KAZN: variants seen among roughly 807,000 people sequenced by gnomAD.
KAZN encodes kazrin, periplakin interacting protein, also known as kazrin.
A neutral mutation model predicts 87.4 loss-of-function variants in KAZN; 40 were observed. The observed-to-expected ratio is 0.46, with a 90% CI of 0.36 to 0.60. KAZN has a LOEUF of 0.60. KAZN is among the 20% of genes least tolerant of loss of function. The pLI, the probability that KAZN is intolerant of heterozygous loss-of-function variation, is 0.00. For missense variants in KAZN, 898 were observed against 1,073.9 expected, an observed-to-expected ratio of 0.84 and a Z score of 2.29; for synonymous variants, 466 against 458.3, an observed-to-expected ratio of 1.02 and a Z score of -0.22.
chr1:14,469,117 A>G (rs1668313522), intron 2 of KAZN, among the ~76,000 whole-genome samples: 1 of 152,176 alleles, frequency 6.6e-6, no homozygotes, highest in Admixed American at 6.6e-5. Context: ...TTAAGGCAAC[A>G]GTTTCCATAA....
chr1:13,906,086 A>C (rs1639427097), intron 1 of KAZN, among the ~76,000 whole-genome samples: 2 of 152,148 alleles, frequency 1.3e-5, no homozygotes, highest in Admixed American at 6.6e-5. Flanking sequence ...TAATCTCCCC[A>C]TTACTAGATT....
chr1:14,420,690 C>T (rs1301827470), intron 2 of KAZN, among the ~76,000 whole-genome samples: 1 of 152,210 alleles, frequency 6.6e-6, no homozygotes, highest in Non-Finnish European at 1.5e-5. Context: ...GAGTGCAGCG[C>T]CTGCAGGCCG....
At chr1:13,932,822 G>T (rs6678053) in intron 1 of KAZN, among the ~76,000 whole-genome samples, 4 of 152,168 alleles carry the variant, frequency 2.6e-5, no homozygotes, top group Non-Finnish European at 4.4e-5. Flanking sequence ...TGTCACGCAT[G>T]TATCTTTTTC....
At chr1:13,893,057 C>G (rs959378778) in exon 1 of KAZN, 8 of 151,980 alleles carry the variant, frequency 5.3e-5, no homozygotes, top group African/African-American at 1.4e-4. Context: ...TGGCAGCAGC[C>G]GGACGCCTGG....
chr1:14,375,908 G>A (rs1010447989), intron 2 of KAZN, among the ~76,000 whole-genome samples: 1 of 151,200 alleles, frequency 6.6e-6, no homozygotes, highest in Non-Finnish European at 1.5e-5. Context: ...AAAAAAAAAA[G>A]AAATTACATG....
intron 2 of KAZN, among the ~76,000 whole-genome samples, chr1:14,237,045 T>C (rs2100562656): frequency 6.6e-6 from 1 of 152,344 alleles, no homozygotes; most frequent in South Asian, 2.1e-4. Flanking sequence ...GCATTCTATA[T>C]ACCAAAAGAT....
intron 8 of KAZN, among the ~76,000 whole-genome samples, chr1:15,074,438 G>C (rs745771705): frequency 6.6e-6 from 1 of 152,182 alleles, no homozygotes; most frequent in Non-Finnish European, 1.5e-5. Context: ...CACCAGCCTG[G>C]TGAAGGAGTC....
intron 2 of KAZN, among the ~76,000 whole-genome samples, chr1:14,494,585 A>G (rs575842348): frequency 1.1e-4 from 17 of 152,196 alleles, no homozygotes; most frequent in African/African-American, 4.1e-4. Context: ...CCTCTGGTCC[A>G]ATCTCCAGTG....
intron 2 of KAZN, among the ~76,000 whole-genome samples, chr1:14,492,931 C>T (rs962841041): frequency 6.6e-6 from 1 of 151,898 alleles, no homozygotes; most frequent in African/African-American, 2.4e-5. Context: ...GCTGCAGCCT[C>T]TTGACCTGGA....
At chr1:14,728,010 G>A (rs1297865079) in intron 1 of KAZN, among the ~76,000 whole-genome samples, 1 of 151,874 alleles carries the variant, frequency 6.6e-6, no homozygotes, top group East Asian at 2.0e-4. Flanking sequence ...TGCTGGCCGG[G>A]CGCGGTGCCT....
Position 14,462,921 on chromosome 1 carries a change from A to G in KAZN, c.250-136062A>G, listed in dbSNP as rs1306431831. ...TTGGGTGGGGACACAGCCAAACCAT[A>G]TCACCCAGCAAAGAATTCAAGCGTG... On this transcript the variant is annotated intron_variant, in intron 2 of 16. Transcript: ENST00000636203. 3.3e-5 allele frequency among the ~76,000 whole-genome samples: 5 copies of G among 152,294 alleles called. No homozygotes were observed. In the East Asian group the frequency reaches 9.6e-4, roughly 29 times the overall value.
At chr1:15,045,648 T>G (rs1025349879) in intron 4 of KAZN, among the ~76,000 whole-genome samples, 2 of 152,180 alleles carry the variant, frequency 1.3e-5, no homozygotes, top group African/African-American at 4.8e-5. Flanking sequence ...GACTGGGTAA[T>G]TTATAAAGGA....
chr1:15,108,722 C>A (rs1011023125), intron 13 of KAZN, among the ~76,000 whole-genome samples: 6 of 152,210 alleles, frequency 3.9e-5, no homozygotes, highest in Non-Finnish European at 7.3e-5. Flanking sequence ...ACCTTCCTTC[C>A]TGCACCATGA....
intron 2 of KAZN, among the ~76,000 whole-genome samples, chr1:14,545,678 A>G (rs1673095562): frequency 6.6e-6 from 1 of 152,264 alleles, no homozygotes; most frequent in African/African-American, 2.4e-5. Flanking sequence ...TAAAAAAACA[A>G]AGTTGTATTG....
intron 1 of KAZN, among the ~76,000 whole-genome samples, chr1:14,893,706 A>C (rs1449782786): frequency 6.6e-6 from 1 of 152,156 alleles, no homozygotes; most frequent in African/African-American, 2.4e-5. Context: ...AGAAAGCCAC[A>C]AAGGGTCAGA....
intron 1 of KAZN, among the ~76,000 whole-genome samples, chr1:14,798,718 GC>G: frequency 6.6e-6 from 1 of 150,994 alleles, no homozygotes; most frequent in African/African-American, 2.4e-5. Context: ...ACAGGCGTGA[GC>G]CACCACGCCC....
intron 2 of KAZN, among the ~76,000 whole-genome samples, chr1:14,407,912 A>G (rs1663996726): frequency 6.6e-6 from 1 of 152,178 alleles, no homozygotes; most frequent in Admixed American, 6.5e-5. Context: ...TTTTTTAGAC[A>G]TTTCATTATT....
At position 14,146,855 on chromosome 1, in the gene KAZN, G is replaced by A. The variant is rs373860822; in HGVS notation, c.92-33580G>A. ...CAATTTCAGAAGAGTTTGTCAAAGT[G>A]AGGATGTTATGGGAGATATGGTTGA... On this transcript the variant is annotated intron_variant, in intron 1 of 16. Coordinates refer to the KAZN transcript ENST00000636203. 4.4e-4 allele frequency among the ~76,000 whole-genome samples: 67 copies of A among 152,128 alleles called. No homozygotes were observed. The South Asian group carries it at 0.013, about 30-fold the overall frequency.
chr1:14,488,069 C>T (rs1669440985), intron 2 of KAZN, among the ~76,000 whole-genome samples: 2 of 152,206 alleles, frequency 1.3e-5, no homozygotes. Context: ...ATATTGGATG[C>T]TCAGCAAGTA....
Sources: gnomAD v4.1 joint callset for allele counts (sites outside exome capture counted in the v4.1 genomes callset) on GRCh38, gnomAD v4.1.1 for gene constraint, MANE v1.5 for transcripts, NCBI Gene and HGNC (gene_info 2026-07-23, HGNC 2026-07-21) for gene names.